The following ZFAND3 variants were observed in gnomAD, a reference collection of about 807,000 sequenced individuals.
ZFAND3 encodes the protein AN1-type zinc finger protein 3.
A neutral mutation model predicts 29.6 loss-of-function variants in ZFAND3; 10 were observed. That is an observed-to-expected ratio of 0.34 (90% confidence interval 0.21 to 0.57). ZFAND3 has a LOEUF of 0.57. Among genes scored for constraint, ZFAND3 ranks in the 20% least tolerant of loss-of-function variants. ZFAND3 has a pLI of 0.86. For missense variants in ZFAND3, 230 were observed against 304.5 expected (o/e 0.76, Z 1.82); for synonymous variants, 128 against 112.6 (o/e 1.14, Z -0.87).
Position 37,982,655 on chromosome 6 carries a change from A to T in ZFAND3, c.112+52656A>T, listed in dbSNP as rs187501732. On this transcript the variant is annotated intron_variant, in intron 2 of 5. Transcript: ENST00000287218. ...AAGTATAGCCAGTACAATTATGTAC[A>T]CCACATAGTGCTTGATAATGACAAG... 1.8e-3 allele frequency among the ~76,000 whole-genome samples: 280 copies of T among 152,368 alleles called. 2 individuals carry two copies. The highest frequency in any genetic ancestry group is 6.5e-3 in the African/African-American group (270 of 41,572).
chr6:37,964,244 A>G (rs2127425755), intron 2 of ZFAND3, among the ~76,000 whole-genome samples: 1 of 152,320 alleles, frequency 6.6e-6, no homozygotes, highest in South Asian at 2.1e-4. Context: ...TAGCTGTTAC[A>G]GGTGCATTTA....
At chr6:37,848,496 A>G (rs1048483677) in intron 1 of ZFAND3, among the ~76,000 whole-genome samples, 7 of 152,238 alleles carry the variant, frequency 4.6e-5, no homozygotes, top group Admixed American at 4.6e-4. Flanking sequence ...AATGGGGAAA[A>G]TGGTTATTCT....
intron 2 of ZFAND3, among the ~76,000 whole-genome samples, chr6:38,019,423 CCT>C (rs1299653462): frequency 6.6e-6 from 1 of 151,716 alleles, no homozygotes; most frequent in Non-Finnish European, 1.5e-5. Flanking sequence ...TTGTGGGAGC[CCT>C]TTTCACATTA....
chr6:37,972,360 C>T (rs187053379), intron 2 of ZFAND3, among the ~76,000 whole-genome samples: 84 of 152,330 alleles, frequency 5.5e-4, no homozygotes, highest in Non-Finnish European at 7.6e-4. Flanking sequence ...TTATACTTGC[C>T]TCTGTGAGGC....
At chr6:38,152,214 C>T in intron 5 of ZFAND3, 21 bp from the exon 6 acceptor site, 1 of 1,492,926 alleles carries the variant, frequency 6.7e-7, no homozygotes, top group African/African-American at 1.4e-5. Flanking sequence ...ACTCTTTCCT[C>T]TGCTTCTCCC....
intron 2 of ZFAND3, among the ~76,000 whole-genome samples, chr6:37,991,233 T>C (rs1762753538): frequency 1.3e-5 from 2 of 152,206 alleles, no homozygotes; most frequent in Middle Eastern, 3.2e-3. Flanking sequence ...ACAGGCATTT[T>C]CCCTCTGTGT....
intron 4 of ZFAND3, among the ~76,000 whole-genome samples, chr6:38,093,725 A>G (rs904989374): frequency 1.3e-5 from 2 of 152,210 alleles, no homozygotes; most frequent in Non-Finnish European, 2.9e-5. Context: ...GTGGGAAACG[A>G]AAGCCTGAAA....
At chr6:38,054,435 G>A (rs142366970) in intron 2 of ZFAND3, among the ~76,000 whole-genome samples, 4 of 150,020 alleles carry the variant, frequency 2.7e-5, no homozygotes, top group Admixed American at 1.3e-4. Context: ...CACAAAAACC[G>A]TGCAGTGTTA....
At chr6:37,924,119 C>G (rs1348783442) in intron 1 of ZFAND3, among the ~76,000 whole-genome samples, 1 of 152,104 alleles carries the variant, frequency 6.6e-6, no homozygotes, top group Non-Finnish European at 1.5e-5. Context: ...TTAAAAGTGT[C>G]TGCCACCTGT....
At chr6:37,975,922 G>C (rs1391692739) in intron 2 of ZFAND3, among the ~76,000 whole-genome samples, 1 of 152,084 alleles carries the variant, frequency 6.6e-6, no homozygotes, top group Non-Finnish European at 1.5e-5. Flanking sequence ...CAAAAATCCT[G>C]CTGGATTTGT....
intron 1 of ZFAND3, among the ~76,000 whole-genome samples, chr6:37,892,399 C>T (rs1765121297): frequency 6.6e-6 from 1 of 152,120 alleles, no homozygotes; most frequent in African/African-American, 2.4e-5. Flanking sequence ...TGAGGCCAGC[C>T]TGGGGAAGCA....
intron 1 of ZFAND3, among the ~76,000 whole-genome samples, chr6:37,899,642 A>T (rs1318617577): frequency 6.6e-6 from 1 of 152,216 alleles, no homozygotes; most frequent in Non-Finnish European, 1.5e-5. Flanking sequence ...TTTAGCCCTT[A>T]TGTTTTAGAC....
At chr6:37,864,393 A>G (rs1764546177) in intron 1 of ZFAND3, among the ~76,000 whole-genome samples, 1 of 152,204 alleles carries the variant, frequency 6.6e-6, no homozygotes, top group African/African-American at 2.4e-5. Flanking sequence ...TTCTTTCTAC[A>G]TGCACATGTG....
intron 5 of ZFAND3, among the ~76,000 whole-genome samples, chr6:38,119,565 G>GC (rs1765488026): frequency 6.6e-6 from 1 of 152,192 alleles, no homozygotes; most frequent in East Asian, 1.9e-4. Flanking sequence ...ATTGTGATGG[G>GC]CCTTTTTGTA....
intron 2 of ZFAND3, among the ~76,000 whole-genome samples, chr6:37,985,529 C>CACACACACACACACACACACACA (rs33984396): frequency 2.2e-5 from 2 of 89,700 alleles, no homozygotes; most frequent in African/African-American, 7.3e-5. Flanking sequence ...ACACACACAC[C>CACACACACACACACACACACACA]CCCACACACG....
intron 1 of ZFAND3, among the ~76,000 whole-genome samples, chr6:37,913,365 C>T (rs1365735992): frequency 2.6e-5 from 4 of 152,192 alleles, no homozygotes; most frequent in Non-Finnish European, 5.9e-5. Context: ...TTTACAACAT[C>T]TTCAGGAGTA....
At chr6:37,911,145 A>T (rs1316024230) in intron 1 of ZFAND3, among the ~76,000 whole-genome samples, 1 of 152,196 alleles carries the variant, frequency 6.6e-6, no homozygotes, top group Non-Finnish European at 1.5e-5. Context: ...ACTAATTCCA[A>T]TGAGTAGTAT....
chr6:38,108,489 G>A (rs140461331), intron 4 of ZFAND3, among the ~76,000 whole-genome samples: 4 of 152,286 alleles, frequency 2.6e-5, no homozygotes, highest in South Asian at 2.1e-4. Context: ...AGCCGAGCTC[G>A]AGTCCCTGGG....
chr6:37,851,080 C>T (rs533340089), intron 1 of ZFAND3, among the ~76,000 whole-genome samples: 7 of 151,150 alleles, frequency 4.6e-5, no homozygotes, highest in Admixed American at 4.6e-4. Flanking sequence ...CAGTGTCTCG[C>T]ACTGTCACCC....
Sources: allele counts gnomAD v4.1 joint callset (sites outside exome capture counted in the v4.1 genomes callset), GRCh38; gene constraint gnomAD v4.1.1; transcripts MANE v1.5; gene names NCBI Gene and HGNC (gene_info 2026-07-23, HGNC 2026-07-21).